Variants in CHL1 observed in about 807,000 individuals in gnomAD.
CHL1 encodes cell adhesion molecule L1 like, also known as neural cell adhesion molecule L1-like protein.
In CHL1, 96 loss-of-function variants were observed where a neutral mutation model predicts 141.9. That is an observed-to-expected ratio of 0.68 (90% CI 0.57 to 0.80). The LOEUF (loss-of-function observed/expected upper bound fraction) is 0.80. Ranked by LOEUF, CHL1 falls within the 30% of genes least tolerant of loss-of-function variation. The probability of loss-of-function intolerance (pLI) is 0.00; values close to 1 mark genes in which losing one functional copy is unlikely to be tolerated. For synonymous variants in CHL1, 613 were observed against 502.2 expected (o/e 1.22, Z -2.95); for missense variants, 1,820 against 1,457.2 (o/e 1.25, Z -4.05).
At chr3:298,978 C>CT (rs2124883125) in intron 2 of CHL1, among the ~76,000 whole-genome samples, 1 of 152,236 alleles carries the variant, frequency 6.6e-6, no homozygotes, top group African/African-American at 2.4e-5. Context: ...TGTTAAGGTG[C>CT]TATAACCTGG....
At chr3:304,654 G>A (rs1460111824) in intron 2 of CHL1, among the ~76,000 whole-genome samples, 1 of 152,036 alleles carries the variant, frequency 6.6e-6, no homozygotes, top group Non-Finnish European at 1.5e-5. Context: ...AGTCTGGCTA[G>A]CGGTCTAACT....
At chr3:258,464 A>C (rs1694387292) in intron 2 of CHL1, among the ~76,000 whole-genome samples, 1 of 152,198 alleles carries the variant, frequency 6.6e-6, no homozygotes, top group African/African-American at 2.4e-5. Flanking sequence ...CTCTCTCTCA[A>C]GAATTTTCAT....
intron 11 of CHL1, among the ~76,000 whole-genome samples, chr3:356,048 G>A (rs892296): frequency 0.48 from 72,489 of 152,032 alleles, 19,935 homozygotes; most frequent in Admixed American, 0.66. Context: ...CCCCCCGTAA[G>A]GTATGGTTGG....
intron 2 of CHL1, among the ~76,000 whole-genome samples, chr3:286,886 G>C (rs935505134): frequency 2.6e-5 from 4 of 152,072 alleles, no homozygotes; most frequent in African/African-American, 9.7e-5. Context: ...GTGTCTTTTA[G>C]CGTGCTAATT....
intron 2 of CHL1, among the ~76,000 whole-genome samples, chr3:263,753 A>T (rs1429840452): frequency 6.6e-6 from 1 of 152,194 alleles, no homozygotes; most frequent in African/African-American, 2.4e-5. Context: ...AGCTCTTCGA[A>T]CTCAGAGAAC....
At chr3:198,158 AGGCGGGCGG>A in intron 1 of CHL1, 7 of 192,946 alleles carry the variant, frequency 3.6e-5, no homozygotes, top group Admixed American at 5.8e-5. Context: ...CTGGGCGGGA[AGGCGGGCGG>A]GGAAGGGGTG....
intron 2 of CHL1, among the ~76,000 whole-genome samples, chr3:294,383 A>G (rs1697993800): frequency 6.6e-6 from 1 of 152,188 alleles, no homozygotes; most frequent in Admixed American, 6.5e-5. Context: ...TTCTGAGTTC[A>G]TTGAGTTAAC....
intron 2 of CHL1, among the ~76,000 whole-genome samples, chr3:289,473 T>C (rs1697465886): frequency 6.6e-6 from 1 of 152,180 alleles, no homozygotes; most frequent in Non-Finnish European, 1.5e-5. Flanking sequence ...TAAAATTATA[T>C]GTATTTATCC....
intron 2 of CHL1, among the ~76,000 whole-genome samples, chr3:246,153 T>C (rs1429210769): frequency 1.3e-5 from 2 of 152,108 alleles, no homozygotes; most frequent in African/African-American, 2.4e-5. Flanking sequence ...CATAGGTAAA[T>C]CTTCTGAGAT....
At chr3:361,629 T>C (rs1432162511) in intron 12 of CHL1, 70 bp from the exon 13 acceptor site, 10 of 1,025,004 alleles carry the variant, frequency 9.8e-6, no homozygotes, top group Admixed American at 1.7e-5. Context: ...GACTAGGACA[T>C]AGAAAAATTT....
intron 2 of CHL1, among the ~76,000 whole-genome samples, chr3:261,492 A>C (rs914495987): frequency 3.9e-5 from 6 of 152,138 alleles, no homozygotes; most frequent in African/African-American, 1.4e-4. Flanking sequence ...GAGGTTAAGA[A>C]ATCATATTCT....
intron 27 of CHL1, among the ~76,000 whole-genome samples, chr3:402,158 A>C (rs989902741): frequency 6.6e-6 from 1 of 152,248 alleles, no homozygotes; most frequent in South Asian, 2.1e-4. Context: ...ACTGTAATGA[A>C]TTAAATAGAA....
intron 26 of CHL1, among the ~76,000 whole-genome samples, chr3:399,453 A>G (rs894995964): frequency 1.2e-4 from 18 of 152,184 alleles, no homozygotes; most frequent in African/African-American, 3.9e-4. Context: ...CATCCTGGCC[A>G]ACATGATGAA....
chr3:354,547 C>A, intron 10 of CHL1, 93 bp from the exon 11 acceptor site: 1 of 1,416,954 alleles, frequency 7.1e-7, no homozygotes, highest in Non-Finnish European at 9.5e-7. Flanking sequence ...GGTGTCTGCC[C>A]TCTGCTGGTG....
intron 2 of CHL1, among the ~76,000 whole-genome samples, chr3:256,776 G>C (rs1372900917): frequency 6.6e-6 from 1 of 152,166 alleles, no homozygotes; most frequent in South Asian, 2.1e-4. Context: ...TGTATTTCTG[G>C]CGCCTGGGAG....
At chr3:307,874 T>C (rs574848301) in intron 2 of CHL1, among the ~76,000 whole-genome samples, 48 of 152,376 alleles carry the variant, frequency 3.2e-4, no homozygotes, top group African/African-American at 1.1e-3. Flanking sequence ...CAGTAGCCTC[T>C]ACATTACCAC....
intron 1 of CHL1, among the ~76,000 whole-genome samples, chr3:218,933 T>C (rs985847164): frequency 3.3e-5 from 5 of 152,044 alleles, no homozygotes; most frequent in Non-Finnish European, 5.9e-5. Context: ...GATCACGAGG[T>C]CAGGAGATCG....
chr3:242,393 G>A (rs550301492), intron 1 of CHL1, among the ~76,000 whole-genome samples: 25 of 141,620 alleles, frequency 1.8e-4, no homozygotes, highest in East Asian at 6.5e-4. Flanking sequence ...TCAGGAGATC[G>A]AGACCATCCT....
intron 2 of CHL1, among the ~76,000 whole-genome samples, chr3:260,519 G>A (rs1283388458): frequency 6.6e-6 from 1 of 152,126 alleles, no homozygotes; most frequent in Non-Finnish European, 1.5e-5. Flanking sequence ...TGATGTCATG[G>A]TTGAGGATTC....
Sources: allele counts gnomAD v4.1 joint callset (sites outside exome capture counted in the v4.1 genomes callset), GRCh38; gene constraint gnomAD v4.1.1; transcripts MANE v1.5; gene names NCBI Gene and HGNC (gene_info 2026-07-23, HGNC 2026-07-21).